WDR90: variants seen among roughly 807,000 people sequenced by gnomAD.
WDR90 encodes WD repeat-containing protein 90.
In WDR90, 238 loss-of-function variants were observed where a neutral mutation model predicts 195.2. That is an observed-to-expected ratio of 1.22 (90% CI 1.10 to 1.36). WDR90 has a LOEUF of 1.36. WDR90 is among the 40% of genes most tolerant of loss of function. The pLI, the probability that WDR90 is intolerant of heterozygous loss-of-function variation, is 0.00. For missense variants in WDR90, 2,734 were observed against 2,439.5 expected (o/e 1.12, Z -2.54); for synonymous variants, 1,265 against 1,052.4 (o/e 1.20, Z -3.91).
At chr16:655,225 T>A (rs766642534) in intron 14 of WDR90, 78 bp downstream of exon 14, 1 of 1,612,064 alleles carries the variant, frequency 6.2e-7, no homozygotes, top group African/African-American at 1.3e-5. Context: ...CACCTCCCCC[T>A]GGCTTGGCTG....
upstream of WDR90, chr16:649,177 G>A (rs1458044278): frequency 1.2e-5 from 5 of 408,278 alleles, no homozygotes; most frequent in Non-Finnish European, 2.1e-5. Flanking sequence ...GCTAACAGGG[G>A]GCTGCCTTGG....
rs754676622 is a variant in WDR90 at position 665,791 on chromosome 16, T to C, written c.4424T>C (p.Val1475Ala). 3.8e-6 allele frequency: 6 copies of C among 1,567,856 alleles called. No individual in the cohort carries two copies. In the South Asian group the frequency reaches 5.7e-5, roughly 15 times the overall value. ...ASMELVIQFQ[V>A]LNQSCLCLAW... ...ATGGAGCTTGTGATCCAGTTCCAGG[T>C]GCTGAACCAGGTGTGTGGGGAGTGC... Residue 1475 changes from valine to alanine, a missense_variant, in exon 35 of 41, where the codon GTG becomes GCG. By Grantham distance (64) the Val-to-Ala change is moderately conservative (BLOSUM62 0). Coordinates refer to ENST00000293879, the MANE Select transcript of WDR90 (RefSeq NM_145294.5).
In WDR90 at chr16:653,803, G is replaced by C. The variant is rs757489630; in HGVS notation, c.1437G>C (p.Thr479=). The part of the protein sequence containing the change: ...CGVGKDHHGR[T]MVVAWGTGQV... ...TTGGCAAGGACCACCACGGGAGGAC[G>C]GTAACAGGGCCCTGGCTGCGGGTTG... Residue 479 remains threonine (T), a splice_region_variant and synonymous_variant, in exon 13 of 41, where the codon ACG becomes ACC. Transcript: ENST00000293879. The C allele has an allele frequency of 1.2e-6, 2 of 1,613,126 alleles. No individual in the cohort carries two copies. The highest frequency in any genetic ancestry group is 1.7e-5 in the Admixed American group (1 of 60,026).
At position 657,153 on chromosome 16, in the gene WDR90, CCTG is replaced by C; in HGVS notation, c.2408_2410del (p.Cys803del). 6.4e-7 allele frequency: 1 copy of C among 1,567,788 alleles called. No homozygotes were observed. The highest frequency in any genetic ancestry group is 8.6e-7 in the Non-Finnish European group (1 of 1,157,434). ...CCTGACGGCCGCCTGCTCTTCAGCTCCTGCTCCCAGGGCTCCCTGGCCCAGTAC... is the reference window on the plus strand; with the variant it reads ...CCTGACGGCCGCCTGCTCTTCAGCTCCTCCCAGGGCTCCCTGGCCCAGTAC... On this transcript the variant is annotated inframe_deletion, in exon 20 of 41. Coordinates refer to ENST00000293879, the MANE Select transcript of WDR90 (RefSeq NM_145294.5).
chr16:661,201 C>T (rs1352416082), intron 29 of WDR90, 29 bp downstream of exon 29: 5 of 1,521,962 alleles, frequency 3.3e-6, no homozygotes, highest in East Asian at 2.4e-5. Flanking sequence ...CTCCTCCTCT[C>T]CCAGGGCCAC....
intron 34 of WDR90, chr16:663,080 C>T (rs879582176): frequency 1.2e-5 from 8 of 675,876 alleles, no homozygotes; most frequent in African/African-American, 3.6e-5. Flanking sequence ...CTCAAACTGT[C>T]CTTTCCCTGC....
intron 34 of WDR90, among the ~76,000 whole-genome samples, chr16:664,191 C>T (rs866690919): frequency 1.8e-4 from 27 of 150,830 alleles, no homozygotes; most frequent in African/African-American, 6.4e-4. Context: ...CCGTGCGTGC[C>T]TAGAGGAAAC....
At chr16:655,500 C>G in intron 15 of WDR90, 32 bp downstream of exon 15, 1 of 1,534,130 alleles carries the variant, frequency 6.5e-7, no homozygotes, top group Non-Finnish European at 8.8e-7. Flanking sequence ...CGGCCTGCCC[C>G]GGCATGGGGG....
chr16:662,655 C>T, intron 33 of WDR90, 24 bp from the exon 34 acceptor site: 9 of 1,524,550 alleles, frequency 5.9e-6, no homozygotes, highest in Non-Finnish European at 7.9e-6. Context: ...ATTGTTCTCT[C>T]CTTCCCTGCA....
At position 655,485 on chromosome 16, in the gene WDR90, C is replaced by G. The variant is rs756232000; in HGVS notation, c.1718+17C>G. The G allele has an allele frequency of 9.8e-6, 15 of 1,527,228 alleles. 1 individual carries two copies. In the South Asian group the frequency reaches 1.6e-4, roughly 17 times the overall value. The allele number at this position is 1,527,228 out of a possible 1,614,324, so 94.6% of individuals were successfully genotyped here. On this transcript the variant is annotated intron_variant, in intron 15 of 40. Coordinates refer to ENST00000293879, the MANE Select transcript of WDR90 (RefSeq NM_145294.5). ...TGCCATGCTGTGAGTCCCTGCCCTT[C>G]CCCACGGCCTGCCCCGGCATGGGGG... is the stretch of plus-strand genomic sequence containing the variant.
Position 666,467 on chromosome 16 carries a change from G to C in WDR90, c.4753G>C (p.Gly1585Arg), listed in dbSNP as rs889727189. The change falls in exon 38 of 41, where the codon GGG becomes CGG. Residue 1585 changes from glycine to arginine, a missense_variant. Gly to Arg is a moderately radical substitution (Grantham distance 125). Coordinates refer to ENST00000293879, the MANE Select transcript of WDR90 (RefSeq NM_145294.5). ...ACTCCATTCCCAGTGTGAAGACTTA[G>C]GGGTGGAGGGCACAGACCTATGGCT... ...CVTCKECEDL[G>R]VEGTDLWLAA... 6.2e-7 allele frequency: 1 copy of C among 1,612,288 alleles called. No homozygotes were observed. The highest frequency in any genetic ancestry group is 8.5e-7 in the Non-Finnish European group (1 of 1,179,716).
intron 34 of WDR90, among the ~76,000 whole-genome samples, chr16:664,185 GCGTGCC>G: frequency 2.6e-5 from 1 of 38,940 alleles, no homozygotes; most frequent in Non-Finnish European, 3.6e-5. Flanking sequence ...GAAACCCCGT[GCGTGCC>G]TAGAGGAAAC....
In WDR90 at chr16:659,927, C is replaced by G. The variant is rs199971090; in HGVS notation, c.3185-131C>G. 2.7e-4 allele frequency: 192 copies of G among 715,536 alleles called. 3 individuals carry two copies. The East Asian group carries it at 5.4e-3, about 20-fold the overall frequency. 44.3% of individuals were successfully genotyped at this position (715,536 alleles called of 1,614,324 possible). ...CACGGTTTGCCTGCGTCTGTGGCTCCGGCCTGTGCCCCGCCGTGCAGTTCT... is the reference window on the plus strand; with the variant it reads ...CACGGTTTGCCTGCGTCTGTGGCTCGGGCCTGTGCCCCGCCGTGCAGTTCT... On this transcript the variant is annotated intron_variant, in intron 26 of 40. Coordinates refer to ENST00000293879, the MANE Select transcript of WDR90 (RefSeq NM_145294.5).
At chr16:658,161 G>A (rs766841839) in intron 21 of WDR90, 22 bp from the exon 22 acceptor site, 15 of 1,597,798 alleles carry the variant, frequency 9.4e-6, no homozygotes, top group African/African-American at 2.7e-5. Flanking sequence ...CCTGACTGTC[G>A]GCCACTTACC....
chr16:652,669 G>A, intron 10 of WDR90, 134 bp downstream of exon 10: 1 of 961,110 alleles, frequency 1.0e-6, no homozygotes, highest in Non-Finnish European at 1.4e-6. Flanking sequence ...TGGCACAGCG[G>A]TCCCGTCCCC....
intron 9 of WDR90, 177 bp from the exon 10 acceptor site, chr16:652,290 G>T (rs2037663161): frequency 2.4e-6 from 2 of 834,856 alleles, no homozygotes; most frequent in South Asian, 3.6e-5. Flanking sequence ...CGAAGGTCTG[G>T]CAGTGCAACT....
In WDR90 at chr16:657,428, G is replaced by C. The variant is rs923751098; in HGVS notation, c.2473+207G>C. Reference sequence around the variant, plus strand: ...GGACCCCAAGGCCAGAGGTCAGCTCGGGTCTGTGCCCAGGAGGCGGCAGGC... The same window carrying C: ...GGACCCCAAGGCCAGAGGTCAGCTCCGGTCTGTGCCCAGGAGGCGGCAGGC... On this transcript the variant is annotated intron_variant, in intron 20 of 40. Transcript: ENST00000293879. 6.6e-6 allele frequency: 6 copies of C among 902,330 alleles called. No homozygotes were observed. In the East Asian group the frequency reaches 1.1e-4, roughly 16 times the overall value. 55.9% of individuals were successfully genotyped at this position (902,330 alleles called of 1,614,324 possible). A position where few individuals can be genotyped will look rare whatever the true frequency, so the allele number is the denominator to read the frequency against.
At chr16:667,016 C>T (rs2038095790) in intron 40 of WDR90, 27 bp downstream of exon 40, 1 of 1,568,134 alleles carries the variant, frequency 6.4e-7, no homozygotes, top group Non-Finnish European at 8.6e-7. Context: ...GCAGTTTGGG[C>T]CTGTCTTAGG....
In WDR90 at chr16:664,132, C is replaced by T. The variant is rs550650383; in HGVS notation, c.4311+1288C>T. Reference sequence around the variant, plus strand: ...GGTGTAGTCGTCACAGCACAAGCTCCGTGTGTTTCAGGGGGTGGCTTTTGG... The same window carrying T: ...GGTGTAGTCGTCACAGCACAAGCTCTGTGTGTTTCAGGGGGTGGCTTTTGG... On this transcript the variant is annotated intron_variant, in intron 34 of 40. Transcript: ENST00000293879. 8.9e-4 allele frequency among the ~76,000 whole-genome samples: 136 copies of T among 152,180 alleles called. 1 individual carries two copies. Among genetic ancestry groups the T allele is most frequent in the African/African-American group, 3.0e-3 (125 of 41,508 alleles).
Sources: allele counts gnomAD v4.1 joint callset (sites outside exome capture counted in the v4.1 genomes callset), GRCh38; gene constraint gnomAD v4.1.1; transcripts MANE v1.5; gene names NCBI Gene and HGNC (gene_info 2026-07-23, HGNC 2026-07-21).